Variants in PDE7A observed in about 807,000 individuals in gnomAD.
PDE7A encodes phosphodiesterase 7A.
A neutral mutation model predicts 64.3 loss-of-function variants in PDE7A; 39 were observed. The observed-to-expected ratio is 0.61, with a 90% confidence interval of 0.47 to 0.79. The LOEUF is 0.79. PDE7A is among the 30% of genes least tolerant of loss of function. PDE7A has a pLI of 0.00. For missense variants in PDE7A, 470 were observed against 582.8 expected (o/e 0.81, Z 1.99); for synonymous variants, 203 against 206.8 (o/e 0.98, Z 0.16).
At chr8:65,809,879 AC>A (rs1243810868) in intron 1 of PDE7A, among the ~76,000 whole-genome samples, 1 of 152,206 alleles carries the variant, frequency 6.6e-6, no homozygotes, top group Non-Finnish European at 1.5e-5. Flanking sequence ...AGAAATAGGA[AC>A]ACTTTTACAC....
At chr8:65,762,653 A>T (rs1451901841) in intron 3 of PDE7A, among the ~76,000 whole-genome samples, 1 of 152,236 alleles carries the variant, frequency 6.6e-6, no homozygotes, top group African/African-American at 2.4e-5. Context: ...AAGAAAAAGC[A>T]CTTAAAATTA....
Position 65,730,176 on chromosome 8 carries a change from T to C in PDE7A, c.697-2875A>G, listed in dbSNP as rs1463280761. Among the ~76,000 whole-genome samples the C allele has an allele frequency of 1.9e-3, 217 of 112,760 alleles. 13 individuals carry two copies. The highest frequency in any genetic ancestry group is 6.3e-3 in the South Asian group (20 of 3,200). 74.0% of individuals were successfully genotyped at this position (112,760 alleles called of 152,430 possible). A position where few individuals can be genotyped will look rare whatever the true frequency, so the allele number is the denominator to read the frequency against. ...GGGATCCAGGTTGCGCACTTCTTTTTTTTTTTTTTTTTTTTTTTTTTGAGA... is the reference window on the plus strand; with the variant it reads ...GGGATCCAGGTTGCGCACTTCTTTTCTTTTTTTTTTTTTTTTTTTTTGAGA... On this transcript the variant is annotated intron_variant, in intron 7 of 12. Coordinates refer to ENST00000401827, the MANE Select transcript of PDE7A (RefSeq NM_001242318.3).
At chr8:65,743,998 A>G (rs1032954116) in intron 5 of PDE7A, among the ~76,000 whole-genome samples, 2 of 152,130 alleles carry the variant, frequency 1.3e-5, no homozygotes, top group Non-Finnish European at 2.9e-5. Context: ...ACACCCAGCC[A>G]ATGTTTGTAT....
chr8:65,778,555 T>G (rs1251746295), intron 3 of PDE7A, among the ~76,000 whole-genome samples: 1 of 152,156 alleles, frequency 6.6e-6, no homozygotes, highest in Non-Finnish European at 1.5e-5. Flanking sequence ...AATTCCTGAT[T>G]CTCGGAATCA....
rs1806090298 is a variant in PDE7A, at chr8:65,715,369, C to T, written c.*3921G>A. ...AAGCCAACAAAGAGAGACCCTGTCTCTATAAAAAAGTTTTTTTTTTTTTTT... is the reference window on the plus strand; with the variant it reads ...AAGCCAACAAAGAGAGACCCTGTCTTTATAAAAAAGTTTTTTTTTTTTTTT... On this transcript the variant is annotated 3_prime_UTR_variant, in exon 13 of 13. Transcript: ENST00000401827. Among the ~76,000 whole-genome samples the T allele has an allele frequency of 6.7e-6, 1 of 150,044 alleles. No individual in the cohort carries two copies. The highest frequency in any genetic ancestry group is 2.1e-4 in the South Asian group (1 of 4,722).
chr8:65,724,881 T>A lies in PDE7A; in HGVS notation c.961A>T (p.Thr321Ser), dbSNP rs1486125163. 15 of 1,610,948 alleles carry A rather than the reference T, an allele frequency of 9.3e-6. No individual in the cohort carries two copies. The highest frequency in any genetic ancestry group is 1.3e-5 in the Non-Finnish European group (15 of 1,177,582). ...TACTCATTCTGGCGACTGATGTCTG[T>A]GGCTAGTATCAGAGCACCTATCTGT... ...ETQIGALILA[T>S]DISRQNEYLS... The change falls in exon 10 of 13, where the codon ACA (threonine) becomes TCA (serine). Residue 321 changes from threonine to serine, a missense_variant. By Grantham distance (58) the Thr-to-Ser change is moderately conservative. Coordinates refer to ENST00000401827, the MANE Select transcript of PDE7A (RefSeq NM_001242318.3).
chr8:65,795,588 T>C (rs1472038877), intron 1 of PDE7A, among the ~76,000 whole-genome samples: 2 of 152,026 alleles, frequency 1.3e-5, no homozygotes, highest in African/African-American at 4.8e-5. Flanking sequence ...CCTCAGGGAA[T>C]ACCTGGGACA....
At chr8:65,740,643 G>A (rs563414902) in intron 5 of PDE7A, among the ~76,000 whole-genome samples, 9 of 152,066 alleles carry the variant, frequency 5.9e-5, no homozygotes, top group Middle Eastern at 6.8e-3. Context: ...CTTGTGATCC[G>A]CCCGCCTCGG....
intron 1 of PDE7A, among the ~76,000 whole-genome samples, chr8:65,818,623 C>G (rs1810470244): frequency 6.6e-6 from 1 of 152,136 alleles, no homozygotes; most frequent in Admixed American, 6.5e-5. Flanking sequence ...AGCCTGTTTT[C>G]AAGTTTGCTC....
rs114748464 is a variant in PDE7A at position 65,745,230 on chromosome 8, C to G, written c.499+177G>C. Among the ~76,000 whole-genome samples the G allele has an allele frequency of 2.8e-3, 434 of 152,312 alleles. 2 individuals are homozygous for G. Among genetic ancestry groups the G allele is most frequent in the African/African-American group, 9.8e-3 (408 of 41,572 alleles). On this transcript the variant is annotated intron_variant, in intron 5 of 12. Coordinates refer to ENST00000401827, the MANE Select transcript of PDE7A (RefSeq NM_001242318.3). ...ATGAGTCCATTAAACCTCTTTTTCT[C>G]AATTACCCAGTCTCGGGTATGTCTT...
At chr8:65,818,393 A>G (rs1403412464) in intron 1 of PDE7A, among the ~76,000 whole-genome samples, 1 of 152,156 alleles carries the variant, frequency 6.6e-6, no homozygotes, top group Non-Finnish European at 1.5e-5. Context: ...AAATATGTGG[A>G]ATCTGTCTCC....
At chr8:65,789,132 T>C in intron 1 of PDE7A, 1 of 1,186,524 alleles carries the variant, frequency 8.4e-7, no homozygotes, top group Middle Eastern at 2.2e-4. Flanking sequence ...CAGCCAGCCT[T>C]CTTACCCAGC....
chr8:65,810,263 C>T (rs201357583), intron 1 of PDE7A, among the ~76,000 whole-genome samples: 2 of 151,568 alleles, frequency 1.3e-5, no homozygotes, highest in African/African-American at 2.4e-5. Flanking sequence ...AACCAAACAC[C>T]GCATGTTCTC....
Position 65,733,151 on chromosome 8 carries a change from T to A in PDE7A, c.696+1643A>T, listed in dbSNP as rs142068485. 1.1e-3 allele frequency among the ~76,000 whole-genome samples: 174 copies of A among 152,328 alleles called. 3 individuals carry two copies. The East Asian group carries it at 0.03, about 26-fold the overall frequency. On this transcript the variant is annotated intron_variant, in intron 7 of 12. Transcript: ENST00000401827. ...GAGTATGTTAAGGATGAAAAGTGTT[T>A]AAGTATTATCAGAACTCCACAGGCA... is the stretch of plus-strand genomic sequence containing the variant.
chr8:65,820,258 T>C (rs1810508846), intron 1 of PDE7A, among the ~76,000 whole-genome samples: 2 of 152,208 alleles, frequency 1.3e-5, no homozygotes, highest in Non-Finnish European at 2.9e-5. Context: ...TAGCGGGACA[T>C]GGTGGCACAT....
intron 6 of PDE7A, among the ~76,000 whole-genome samples, chr8:65,738,411 CAGA>C (rs1313892838): frequency 5.9e-5 from 9 of 152,154 alleles, no homozygotes; most frequent in Admixed American, 3.9e-4. Context: ...AGGACTTTCT[CAGA>C]AGTTCTCCTA....
At chr8:65,779,647 C>T in intron 3 of PDE7A, 73 bp downstream of exon 3, 1 of 768,180 alleles carries the variant, frequency 1.3e-6, no homozygotes, top group Non-Finnish European at 2.1e-6. Context: ...ATTCTTTTTC[C>T]CTTGGAAAAC....
chr8:65,755,699 A>C (rs1449568598), intron 3 of PDE7A, among the ~76,000 whole-genome samples: 1 of 152,234 alleles, frequency 6.6e-6, no homozygotes, highest in African/African-American at 2.4e-5. Context: ...CTTGTGTAGT[A>C]ACCTTTACCA....
At chr8:65,799,130 T>C (rs550711584) in intron 1 of PDE7A, among the ~76,000 whole-genome samples, 2 of 152,248 alleles carry the variant, frequency 1.3e-5, no homozygotes, top group African/African-American at 4.8e-5. Context: ...AAAGAACTTT[T>C]TGGAGTGACT....
Sources: gnomAD v4.1 joint callset for allele counts (sites outside exome capture counted in the v4.1 genomes callset) on GRCh38, gnomAD v4.1.1 for gene constraint, MANE v1.5 for transcripts, NCBI Gene and HGNC (gene_info 2026-07-23, HGNC 2026-07-21) for gene names.